The following FSTL5 variants were observed in gnomAD, a reference collection of about 807,000 sequenced individuals.
The protein encoded by FSTL5 is follistatin like 5, also known as follistatin-related protein 5.
In FSTL5, 62 loss-of-function variants were observed where a neutral mutation model predicts 89.1. The ratio of observed to expected loss-of-function variants is 0.70; its 90% CI spans 0.57 to 0.86. The LOEUF (loss-of-function observed/expected upper bound fraction) is 0.86. Ranked by LOEUF, FSTL5 falls within the 40% of genes least tolerant of loss-of-function variation. The probability of loss-of-function intolerance (pLI) is 0.00; values close to 1 mark genes in which losing one functional copy is unlikely to be tolerated. For synonymous variants in FSTL5, 383 were observed against 346.2 expected, an observed-to-expected ratio of 1.11 and a Z score of -1.18; for missense variants, 1,057 against 1,001.6, an observed-to-expected ratio of 1.06 and a Z score of -0.75.
chr4:161,999,127 T>C (rs1188111854), intron 3 of FSTL5, among the ~76,000 whole-genome samples: 1 of 152,200 alleles, frequency 6.6e-6, no homozygotes, highest in African/African-American at 2.4e-5. Flanking sequence ...ATAAGGAGCA[T>C]AGAATTTTAT....
At chr4:161,416,104 T>G (rs1293518150) in intron 15 of FSTL5, among the ~76,000 whole-genome samples, 1 of 152,128 alleles carries the variant, frequency 6.6e-6, no homozygotes, top group African/African-American at 2.4e-5. Flanking sequence ...GTGTTTTCCC[T>G]AAAGCACAAT....
intron 11 of FSTL5, among the ~76,000 whole-genome samples, chr4:161,504,384 G>C (rs1560927511): frequency 6.6e-6 from 1 of 151,832 alleles, no homozygotes; most frequent in East Asian, 1.9e-4. Context: ...TTGTGGTGAA[G>C]TATATTACAA....
At chr4:161,613,181 G>A (rs528055427) in intron 7 of FSTL5, among the ~76,000 whole-genome samples, 255 of 152,200 alleles carry the variant, frequency 1.7e-3, no homozygotes, top group African/African-American at 5.7e-3. Flanking sequence ...AGCCAGGCGC[G>A]GTGGTTCACG....
chr4:161,660,746 T>G (rs1203906157), intron 6 of FSTL5, among the ~76,000 whole-genome samples: 1 of 152,148 alleles, frequency 6.6e-6, no homozygotes, highest in Non-Finnish European at 1.5e-5. Context: ...GTTCCTGCAT[T>G]AATTCGCTAA....
chr4:161,818,932 C>T (rs547651847), intron 4 of FSTL5, among the ~76,000 whole-genome samples: 5 of 151,890 alleles, frequency 3.3e-5, no homozygotes, highest in Non-Finnish European at 5.9e-5. Flanking sequence ...ATTTTATTTT[C>T]CTTTTAAAAC....
intron 8 of FSTL5, among the ~76,000 whole-genome samples, chr4:161,562,484 T>A (rs531671679): frequency 1.0e-3 from 153 of 152,094 alleles, no homozygotes; most frequent in Non-Finnish European, 1.9e-3. Context: ...GATTTAGGTC[T>A]TCTATAATTT....
intron 7 of FSTL5, among the ~76,000 whole-genome samples, chr4:161,616,852 A>T (rs1362835071): frequency 2.6e-5 from 4 of 151,534 alleles, no homozygotes; most frequent in African/African-American, 9.7e-5. Flanking sequence ...GGTACCCTGG[A>T]ACTTAACATT....
At chr4:161,633,224 T>C (rs1484899697) in intron 7 of FSTL5, among the ~76,000 whole-genome samples, 1 of 151,066 alleles carries the variant, frequency 6.6e-6, no homozygotes, top group African/African-American at 2.4e-5. Context: ...ATTTTATTAC[T>C]AAATTATACA....
intron 6 of FSTL5, among the ~76,000 whole-genome samples, chr4:161,681,179 G>T (rs970576109): frequency 1.3e-5 from 2 of 151,958 alleles, no homozygotes; most frequent in African/African-American, 4.8e-5. Context: ...TTATAAAACA[G>T]AAATTATTAA....
chr4:162,112,775 T>TCACACACACACACACACACACACA (rs71598742), intron 1 of FSTL5, among the ~76,000 whole-genome samples: 2 of 139,328 alleles, frequency 1.4e-5, no homozygotes, highest in African/African-American at 5.3e-5. Flanking sequence ...ACCGACACAA[T>TCACACACACACACACACACACACA]CACACACACA....
chr4:162,143,807 C>A (rs1377182305), intron 1 of FSTL5, among the ~76,000 whole-genome samples: 1 of 139,570 alleles, frequency 7.2e-6, no homozygotes, highest in African/African-American at 2.6e-5. Flanking sequence ...CACACACACA[C>A]ACACACACAC....
intron 3 of FSTL5, among the ~76,000 whole-genome samples, chr4:161,951,929 C>T (rs359519): frequency 0.073 from 11,084 of 151,866 alleles, 1,112 homozygotes; most frequent in African/African-American, 0.23. Context: ...TCACATTTTA[C>T]GAGAAAGATT....
At chr4:161,692,321 G>A (rs559660932) in intron 6 of FSTL5, among the ~76,000 whole-genome samples, 15 of 142,512 alleles carry the variant, frequency 1.1e-4, no homozygotes, top group East Asian at 2.1e-4. Flanking sequence ...CTTTTTCCAC[G>A]TCTACTGAGA....
chr4:161,509,219 C>T (rs1730578426), intron 11 of FSTL5, among the ~76,000 whole-genome samples: 1 of 152,134 alleles, frequency 6.6e-6, no homozygotes, highest in Non-Finnish European at 1.5e-5. Context: ...AGGAGAATTG[C>T]TTGAACCCGA....
intron 13 of FSTL5, among the ~76,000 whole-genome samples, chr4:161,466,271 C>A (rs898929995): frequency 2.0e-5 from 3 of 152,082 alleles, no homozygotes; most frequent in African/African-American, 7.2e-5. Context: ...TTAAAAAATT[C>A]ATCAATATTT....
chr4:162,058,384 A>C (rs1372284752), intron 2 of FSTL5, among the ~76,000 whole-genome samples: 2 of 150,892 alleles, frequency 1.3e-5, no homozygotes, highest in Non-Finnish European at 3.0e-5. Flanking sequence ...AAGGGAGAAT[A>C]ATTCTGATCA....
chr4:162,116,582 G>T (rs1731649120), intron 1 of FSTL5, among the ~76,000 whole-genome samples: 1 of 152,168 alleles, frequency 6.6e-6, no homozygotes, highest in South Asian at 2.1e-4. Flanking sequence ...TTGGCTGGAG[G>T]TTGGGGAGGC....
intron 8 of FSTL5, among the ~76,000 whole-genome samples, chr4:161,579,798 T>G (rs891663238): frequency 6.7e-6 from 1 of 149,924 alleles, no homozygotes; most frequent in African/African-American, 2.4e-5. Flanking sequence ...GAAAATGGAT[T>G]GCAAAACCCA....
chr4:162,012,946 G>T (rs1736810436), intron 3 of FSTL5, among the ~76,000 whole-genome samples: 1 of 152,024 alleles, frequency 6.6e-6, no homozygotes, highest in South Asian at 2.1e-4. Flanking sequence ...CACTTTGGGA[G>T]GCCAAGGTGG....
Sources: allele counts gnomAD v4.1 joint callset (sites outside exome capture counted in the v4.1 genomes callset), GRCh38; gene constraint gnomAD v4.1.1; transcripts MANE v1.5; gene names NCBI Gene and HGNC (gene_info 2026-07-23, HGNC 2026-07-21).